The following BCR variants were observed in gnomAD, a reference collection of about 807,000 sequenced individuals.
BCR encodes the protein breakpoint cluster region protein.
Under a neutral mutation model 138.6 loss-of-function variants are expected in BCR, and 58 were observed. The observed-to-expected ratio is 0.42, with a 90% CI of 0.34 to 0.52. BCR has a LOEUF of 0.52. Ranked by LOEUF, BCR falls within the 20% of genes least tolerant of loss-of-function variation. BCR has a pLI of 0.06. For synonymous variants in BCR, 786 were observed against 730.1 expected (o/e 1.08, Z -1.23); for missense variants, 1,599 against 1,727.2 (o/e 0.93, Z 1.32).
chr22:23,264,166 A>G (rs2073408431), intron 4 of BCR: 1 of 1,452,410 alleles, frequency 6.9e-7, no homozygotes, highest in Non-Finnish European at 9.7e-7. Flanking sequence ...GATGGCAACC[A>G]CTTGCTTGCC....
intron 2 of BCR, chr22:23,260,736 A>G: frequency 1.8e-6 from 1 of 540,968 alleles, no homozygotes; most frequent in Non-Finnish European, 3.4e-6. Context: ...TGGTGTTGCC[A>G]GATGACCCCC....
At chr22:23,247,946 GCTT>G (rs977496291) in intron 1 of BCR, among the ~76,000 whole-genome samples, 10 of 152,164 alleles carry the variant, frequency 6.6e-5, no homozygotes, top group Non-Finnish European at 1.3e-4. Flanking sequence ...ATTACATTGT[GCTT>G]CTCCCTTCTT....
At chr22:23,217,793 A>G (rs1449750224) in intron 1 of BCR, among the ~76,000 whole-genome samples, 1 of 152,230 alleles carries the variant, frequency 6.6e-6, no homozygotes, top group East Asian at 1.9e-4. Flanking sequence ...CACTTTGCCT[A>G]CGTGTGGGAT....
intron 2 of BCR, among the ~76,000 whole-genome samples, chr22:23,256,704 A>G (rs1400505616): frequency 2.0e-5 from 3 of 152,062 alleles, no homozygotes; most frequent in Non-Finnish European, 4.4e-5. Context: ...GACTAGGAGG[A>G]GGGACTAGAA....
rs1297381823 is a variant in BCR, at chr22:23,287,262, A to G, written c.2510A>G (p.His837Arg). Residue 837 changes from histidine to arginine, a missense_variant, in exon 11 of 23, where the codon CAC (histidine) becomes CGC (arginine). This residue lies in a region of BCR where 590 missense variants were observed against 762.4 expected (regional missense o/e 0.77). Coordinates refer to ENST00000305877, the MANE Select transcript of BCR (RefSeq NM_004327.4). Reference protein sequence around the residue: ...LMSPSMAFRVHSRNGKSYTFL... With the variant: ...LMSPSMAFRVRSRNGKSYTFL... ...TCTCCCAGCATGGCCTTCAGGGTGC[A>G]CAGCCGCAACGGCAAGGTGAGCGCC... 2 of 1,551,698 alleles carry G rather than the reference A, an allele frequency of 1.3e-6. No individual in the cohort carries two copies. Among genetic ancestry groups the G allele is most frequent in the Non-Finnish European group, 1.7e-6 (2 of 1,146,924 alleles).
At chr22:23,232,229 G>A (rs1349058411) in intron 1 of BCR, among the ~76,000 whole-genome samples, 1 of 152,272 alleles carries the variant, frequency 6.6e-6, no homozygotes, top group Non-Finnish European at 1.5e-5. Context: ...TGTTCTGGGT[G>A]CTGTAAAGCA....
chr22:23,301,561 A>G (rs1401523876), intron 16 of BCR, among the ~76,000 whole-genome samples: 1 of 152,198 alleles, frequency 6.6e-6, no homozygotes, highest in African/African-American at 2.4e-5. Flanking sequence ...CCCTGAAGAT[A>G]CAGATTCAAT....
In BCR at chr22:23,304,722, C is replaced by G. The variant is rs533119257; in HGVS notation, c.3013-4702C>G. On this transcript the variant is annotated intron_variant, in intron 16 of 22. Coordinates refer to ENST00000305877, the MANE Select transcript of BCR (RefSeq NM_004327.4). ...GAAAGCCCATTTCTCTACATCCTCACCGATGCTGGTTATAGTGTATCCTAA... is the reference window on the plus strand; with the variant it reads ...GAAAGCCCATTTCTCTACATCCTCAGCGATGCTGGTTATAGTGTATCCTAA... 7.2e-5 allele frequency among the ~76,000 whole-genome samples: 11 copies of G among 152,304 alleles called. 1 individual carries two copies. The highest frequency in any genetic ancestry group is 2.6e-4 in the African/African-American group (11 of 41,560).
chr22:23,199,376 A>C (rs781059558), intron 1 of BCR: 5 of 510,818 alleles, frequency 9.8e-6, no homozygotes, highest in South Asian at 7.1e-5. Flanking sequence ...TTGCTTATTT[A>C]TCCTGCTAAG....
intron 1 of BCR, among the ~76,000 whole-genome samples, chr22:23,189,563 C>T (rs1350246787): frequency 2.6e-5 from 4 of 152,116 alleles, no homozygotes; most frequent in Non-Finnish European, 5.9e-5. Flanking sequence ...TGCAATGGCA[C>T]GATCTCGGCT....
At chr22:23,315,278 C>T (rs2074056590) in intron 22 of BCR, among the ~76,000 whole-genome samples, 155 bp from the exon 23 acceptor site, 1 of 151,526 alleles carries the variant, frequency 6.6e-6, no homozygotes, top group East Asian at 2.0e-4. Context: ...GTCAGGACCC[C>T]ACCCCACCCC....
intron 1 of BCR, among the ~76,000 whole-genome samples, chr22:23,182,443 G>T (rs971000443): frequency 1.3e-5 from 2 of 152,260 alleles, no homozygotes; most frequent in African/African-American, 2.4e-5. Context: ...TGTTTGGAAT[G>T]GAATTGGGTT....
intron 1 of BCR, among the ~76,000 whole-genome samples, chr22:23,208,769 C>T (rs1400472446): frequency 2.6e-5 from 4 of 152,116 alleles, no homozygotes; most frequent in Admixed American, 2.6e-4. Context: ...GCAGGAGAAT[C>T]GCTTGAACCC....
chr22:23,265,293 A>G (rs2073426982), intron 4 of BCR, among the ~76,000 whole-genome samples: 1 of 152,238 alleles, frequency 6.6e-6, no homozygotes, highest in Non-Finnish European at 1.5e-5. Flanking sequence ...CGACGAGCTG[A>G]GTACTCACGT....
intron 1 of BCR, among the ~76,000 whole-genome samples, chr22:23,231,927 G>A (rs2072964008): frequency 6.6e-6 from 1 of 152,110 alleles, no homozygotes; most frequent in Non-Finnish European, 1.5e-5. Context: ...GGTTCCCCTG[G>A]CCCTGTCTTG....
rs374367676 is a variant in BCR, at chr22:23,309,487, C to T, written c.3072+4C>T. 2.4e-5 allele frequency: 39 copies of T among 1,593,768 alleles called. No homozygotes were observed. In the East Asian group the frequency reaches 4.8e-4, roughly 19 times the overall value. On this transcript the variant is annotated splice_donor_region_variant and intron_variant, in intron 17 of 22. Coordinates refer to ENST00000305877, the MANE Select transcript of BCR (RefSeq NM_004327.4). Reference sequence around the variant, plus strand: ...CACCGTCATCGCCATGAATGGGGTACGTGTCCGTGGGACTCTCCTGGTGCC... The same window carrying T: ...CACCGTCATCGCCATGAATGGGGTATGTGTCCGTGGGACTCTCCTGGTGCC...
intron 1 of BCR, among the ~76,000 whole-genome samples, chr22:23,196,159 C>G (rs2072478940): frequency 6.6e-6 from 1 of 152,142 alleles, no homozygotes; most frequent in South Asian, 2.1e-4. Context: ...AGTGTTAAGC[C>G]TCTAGTGTTT....
intron 1 of BCR, among the ~76,000 whole-genome samples, chr22:23,206,910 A>T (rs2072621605): frequency 7.0e-6 from 1 of 143,146 alleles, no homozygotes; most frequent in Admixed American, 6.7e-5. Flanking sequence ...CCATCCAACT[A>T]AATCTATTCA....
At chr22:23,219,144 C>A (rs2072791841) in intron 1 of BCR, among the ~76,000 whole-genome samples, 1 of 152,150 alleles carries the variant, frequency 6.6e-6, no homozygotes, top group Non-Finnish European at 1.5e-5. Context: ...AAAAATAATC[C>A]AGGGGGAGGG....
Sources: allele counts gnomAD v4.1 joint callset (sites outside exome capture counted in the v4.1 genomes callset), GRCh38; gene constraint gnomAD v4.1.1; regional missense constraint gnomAD v4.1.1; transcripts MANE v1.5; gene names NCBI Gene and HGNC (gene_info 2026-07-23, HGNC 2026-07-21).